The following MRFAP1L1 variants were observed in gnomAD, a reference collection of about 807,000 sequenced individuals.
MRFAP1L1 encodes Morf4 family associated protein 1 like 1, also known as MORF4 family-associated protein 1-like 1.
MRFAP1L1 carries 9 observed loss-of-function variants against 10.6 expected under a neutral mutation model. The observed-to-expected ratio is 0.85, with a 90% CI of 0.51 to 1.48. The LOEUF (loss-of-function observed/expected upper bound fraction) is 1.48. Among genes scored for constraint, MRFAP1L1 ranks in the 40% most tolerant of loss-of-function variants. The probability of loss-of-function intolerance (pLI) is 0.00; values close to 1 mark genes in which losing one functional copy is unlikely to be tolerated. For synonymous variants in MRFAP1L1, 78 were observed against 70.4 expected (o/e 1.11, Z -0.54); for missense variants, 177 against 171.4 (o/e 1.03, Z -0.18).
At chr4:6,709,069 C>G in intron 1 of MRFAP1L1, 162 bp downstream of exon 1, 2 of 743,126 alleles carry the variant, frequency 2.7e-6, no homozygotes, top group Non-Finnish European at 4.3e-6. Context: ...AACCAGCACG[C>G]ATTCTTTCCT....
Position 6,709,378 on chromosome 4 carries a change from G to C in MRFAP1L1, c.252C>G (p.His84Gln), listed in dbSNP as rs563642910. 8.0e-5 allele frequency: 129 copies of C among 1,614,254 alleles called. 2 individuals carry two copies. In the South Asian group the frequency reaches 1.4e-3, roughly 17 times the overall value. ...SEESALNHVQHPSGEADERVS... is the reference protein window; with the variant it reads ...SEESALNHVQQPSGEADERVS... ...CTCTCTCGTCGGCTTCGCCACTCGGGTGCTGCACGTGATTGAGGGCGCTCT... is the reference window on the plus strand; with the variant it reads ...CTCTCTCGTCGGCTTCGCCACTCGGCTGCTGCACGTGATTGAGGGCGCTCT... The change falls in exon 1 of 2, where the codon CAC becomes CAG. Residue 84 changes from histidine to glutamine, a missense_variant. By Grantham distance (24) the His-to-Gln change is conservative. Coordinates refer to ENST00000320848, the MANE Select transcript of MRFAP1L1 (RefSeq NM_203462.3).
In MRFAP1L1 at chr4:6,709,626, G is replaced by A. The variant is rs778160804; in HGVS notation, c.4C>T (p.Arg2Trp). Residue 2 changes from arginine to tryptophan, a missense_variant, in exon 1 of 2, where the codon CGG (arginine) becomes TGG (tryptophan). Transcript: ENST00000320848. Reference protein sequence around the residue: MRPLDIDEVEAP... With the variant: MWPLDIDEVEAP... The stretch of plus-strand genomic sequence containing the variant: ...TCCACCTCGTCTATGTCCAGGGGCC[G>A]CATCTCCTCCTGCCGCTTCCTCAGT... 2.5e-6 allele frequency: 4 copies of A among 1,610,608 alleles called. No homozygotes were observed. In the East Asian group the frequency reaches 6.7e-5, roughly 27 times the overall value.
chr4:6,707,970 T>G lies in MRFAP1L1; in HGVS notation c.*689A>C, dbSNP rs1161409470. 1.3e-5 allele frequency: 2 copies of G among 152,404 alleles called. No homozygotes were observed. Among genetic ancestry groups the G allele is most frequent in the African/African-American group, 2.4e-5 (1 of 41,394 alleles). The allele number at this position is 152,404 out of a possible 1,614,324, so 9.4% of individuals were successfully genotyped here. On this transcript the variant is annotated 3_prime_UTR_variant, in exon 2 of 2. Coordinates refer to ENST00000320848, the MANE Select transcript of MRFAP1L1 (RefSeq NM_203462.3). ...TCCATGCCATTCTCTGATGCCCCTA[T>G]AATGTGTGAGGGTATTACAATAGTC... is the stretch of plus-strand genomic sequence containing the variant.
chr4:6,709,005 T>G (rs1393080043), intron 1 of MRFAP1L1: 1 of 550,602 alleles, frequency 1.8e-6, no homozygotes, highest in African/African-American at 1.9e-5. Flanking sequence ...CTTTCTCTAA[T>G]TAACAGCGTG....
Position 6,709,787 on chromosome 4 carries a change from T to C in MRFAP1L1, c.-158A>G. ...CTTTATTTTTTTTTCTTCCTTTTAA[T>C]TGTAAGCCTTTCGCTTCACAACTCT... On this transcript the variant is annotated 5_prime_UTR_variant, in exon 1 of 2. Transcript: ENST00000320848. 2 of 1,017,590 alleles carry C rather than the reference T, an allele frequency of 2.0e-6. No individual in the cohort carries two copies. 63.0% of individuals were successfully genotyped at this position (1,017,590 alleles called of 1,614,324 possible). A position where few individuals can be genotyped will look rare whatever the true frequency, so the allele number is the denominator to read the frequency against.
intron 1 of MRFAP1L1, chr4:6,708,921 G>C (rs1458572203): frequency 2.9e-6 from 1 of 349,514 alleles, no homozygotes; most frequent in Non-Finnish European, 5.4e-6. Context: ...TGCCTAGACA[G>C]GTCTACTTCT....
Position 6,709,680 on chromosome 4 carries a change from A to G in MRFAP1L1, c.-51T>C. The G allele has an allele frequency of 6.4e-7, 1 of 1,573,692 alleles. No individual in the cohort carries two copies. The highest frequency in any genetic ancestry group is 8.7e-7 in the Non-Finnish European group (1 of 1,155,042). On this transcript the variant is annotated 5_prime_UTR_variant, in exon 1 of 2. Coordinates refer to ENST00000320848, the MANE Select transcript of MRFAP1L1 (RefSeq NM_203462.3). Reference sequence around the variant, plus strand: ...GCAGTAGGGGCGTTCTTCTCACCGGAACCCTCCAAGAACTGGAGATCAGCA... The same window carrying G: ...GCAGTAGGGGCGTTCTTCTCACCGGGACCCTCCAAGAACTGGAGATCAGCA...
In MRFAP1L1 at chr4:6,709,701, C is replaced by A; in HGVS notation, c.-72G>T. The stretch of plus-strand genomic sequence containing the variant: ...CCGGAACCCTCCAAGAACTGGAGAT[C>A]AGCAGTTACTGCTGGAGGCTGAGCG... On this transcript the variant is annotated 5_prime_UTR_variant, in exon 1 of 2. Coordinates refer to ENST00000320848, the MANE Select transcript of MRFAP1L1 (RefSeq NM_203462.3). 1.9e-6 allele frequency: 3 copies of A among 1,546,586 alleles called. No homozygotes were observed. Among genetic ancestry groups the A allele is most frequent in the Non-Finnish European group, 2.6e-6 (3 of 1,140,908 alleles).
Position 6,709,339 on chromosome 4 carries a change from G to A in MRFAP1L1, c.291C>T (p.Cys97=). The change falls in exon 1 of 2, where the codon TGC becomes TGT. Residue 97 remains cysteine, a synonymous_variant. Transcript: ENST00000320848. ...GEADERVSEL[C]EKAEEKAKEI... is the part of the protein sequence containing the mutation. ...CCTTGGCTTTCTCCTCAGCCTTCTC[G>A]CACAACTCCGACACTCTCTCGTCGG... 6.2e-7 allele frequency: 1 copy of A among 1,614,228 alleles called. No homozygotes were observed. Among genetic ancestry groups the A allele is most frequent in the Non-Finnish European group, 8.5e-7 (1 of 1,180,052 alleles).
chr4:6,708,118 G>C lies in MRFAP1L1; in HGVS notation c.*541C>G, dbSNP rs1478298628. 1 of 152,628 alleles carries C rather than the reference G, an allele frequency of 6.6e-6. No individual in the cohort carries two copies. Among genetic ancestry groups the C allele is most frequent in the African/African-American group, 2.4e-5 (1 of 41,440 alleles). 9.5% of individuals were successfully genotyped at this position (152,628 alleles called of 1,614,324 possible). On this transcript the variant is annotated 3_prime_UTR_variant, in exon 2 of 2. Transcript: ENST00000320848. ...CATAGCTCTCCTCTTTCGTCTCACAGAGGAACTAAAGTTCCAAAATATATA... is the reference window on the plus strand; with the variant it reads ...CATAGCTCTCCTCTTTCGTCTCACACAGGAACTAAAGTTCCAAAATATATA...
rs1466357341 is a variant in MRFAP1L1 at position 6,708,633 on chromosome 4, C to T, written c.*26G>A. ...ATCCTTACCAGTTGACTACAGTCCT[C>T]AGCTGTGAACCTAAAGCACAATTGG... On this transcript the variant is annotated 3_prime_UTR_variant, in exon 2 of 2. Coordinates refer to ENST00000320848, the MANE Select transcript of MRFAP1L1 (RefSeq NM_203462.3). 1 of 153,464 alleles carries T rather than the reference C, an allele frequency of 6.5e-6. No individual in the cohort carries two copies. The highest frequency in any genetic ancestry group is 1.5e-5 in the Non-Finnish European group (1 of 68,842). 9.5% of individuals were successfully genotyped at this position (153,464 alleles called of 1,614,324 possible).
chr4:6,709,859 T>C lies in MRFAP1L1; in HGVS notation c.-230A>G, dbSNP rs1290746825. 53 of 591,038 alleles carry C rather than the reference T, an allele frequency of 9.0e-5. No homozygotes were observed. Among genetic ancestry groups the C allele is most frequent in the Non-Finnish European group, 1.5e-4 (52 of 342,448 alleles). The allele number at this position is 591,038 out of a possible 1,614,324, so 36.6% of individuals were successfully genotyped here. On this transcript the variant is annotated 5_prime_UTR_variant, in exon 1 of 2. Transcript: ENST00000320848. ...GCACACAAATAAGCGGCCTACAAAA[T>C]GGAGTCGCAGCCGTCAACTCGCCCT...
intron 1 of MRFAP1L1, 154 bp from the exon 2 acceptor site, chr4:6,708,797 T>C (rs1714680024): frequency 6.1e-6 from 1 of 163,888 alleles, no homozygotes; most frequent in African/African-American, 2.4e-5. Flanking sequence ...ATCTGGAAAT[T>C]TCAGGTAATG....
In MRFAP1L1 at chr4:6,708,122, A is replaced by T. The variant is rs1714651750; in HGVS notation, c.*537T>A. The T allele has an allele frequency of 6.6e-6, 1 of 152,666 alleles. No individual in the cohort carries two copies. The highest frequency in any genetic ancestry group is 6.5e-5 in the Admixed American group (1 of 15,280). The allele number at this position is 152,666 out of a possible 1,614,324, so 9.5% of individuals were successfully genotyped here. ...GCTCTCCTCTTTCGTCTCACAGAGG[A>T]ACTAAAGTTCCAAAATATATACAAA... On this transcript the variant is annotated 3_prime_UTR_variant, in exon 2 of 2. Coordinates refer to ENST00000320848, the MANE Select transcript of MRFAP1L1 (RefSeq NM_203462.3).
Position 6,707,976 on chromosome 4 carries a change from G to A in MRFAP1L1, c.*683C>T, listed in dbSNP as rs1714645832. 1 of 152,290 alleles carries A rather than the reference G, an allele frequency of 6.6e-6. No individual in the cohort carries two copies. The highest frequency in any genetic ancestry group is 2.4e-5 in the African/African-American group (1 of 41,326). 9.4% of individuals were successfully genotyped at this position (152,290 alleles called of 1,614,324 possible). ...CCATTCTCTGATGCCCCTATAATGTGTGAGGGTATTACAATAGTCCCTATT... is the reference window on the plus strand; with the variant it reads ...CCATTCTCTGATGCCCCTATAATGTATGAGGGTATTACAATAGTCCCTATT... On this transcript the variant is annotated 3_prime_UTR_variant, in exon 2 of 2. Transcript: ENST00000320848.
In MRFAP1L1 at chr4:6,709,835, C is replaced by T; in HGVS notation, c.-206G>A. 1 of 710,642 alleles carries T rather than the reference C, an allele frequency of 1.4e-6. No homozygotes were observed. Among genetic ancestry groups the T allele is most frequent in the Non-Finnish European group, 2.3e-6 (1 of 435,700 alleles). The allele number at this position is 710,642 out of a possible 1,614,324, so 44.0% of individuals were successfully genotyped here. Reference sequence around the variant, plus strand: ...TCTGCGGGAAGAATCGCCGTGGATGCACACAAATAAGCGGCCTACAAAATG... The same window carrying T: ...TCTGCGGGAAGAATCGCCGTGGATGTACACAAATAAGCGGCCTACAAAATG... On this transcript the variant is annotated 5_prime_UTR_variant, in exon 1 of 2. Coordinates refer to ENST00000320848, the MANE Select transcript of MRFAP1L1 (RefSeq NM_203462.3).
In MRFAP1L1 at chr4:6,709,599, C is replaced by T; in HGVS notation, c.31G>A (p.Ala11Thr). 1 of 1,613,808 alleles carries T rather than the reference C, an allele frequency of 6.2e-7. No individual in the cohort carries two copies. The highest frequency in any genetic ancestry group is 8.5e-7 in the Non-Finnish European group (1 of 1,179,678). ...TCCAGCACCTCCACTTCCTCAGGCG[C>T]TTCCACCTCGTCTATGTCCAGGGGC... is the stretch of plus-strand genomic sequence containing the variant. MRPLDIDEVE[A>T]PEEVEVLEPE... The change falls in exon 1 of 2, where the codon GCG (alanine) becomes ACG (threonine). Residue 11 changes from alanine (A) to threonine (T), a missense_variant. Physicochemically the swap from Ala to Thr is moderately conservative, Grantham distance 58 (BLOSUM62 0). Coordinates refer to ENST00000320848, the MANE Select transcript of MRFAP1L1 (RefSeq NM_203462.3).
In MRFAP1L1 at chr4:6,709,469, C is replaced by T. The variant is rs1230486036; in HGVS notation, c.161G>A (p.Arg54Lys). The T allele has an allele frequency of 6.2e-7, 1 of 1,614,274 alleles. No individual in the cohort carries two copies. Among genetic ancestry groups the T allele is most frequent in the Non-Finnish European group, 8.5e-7 (1 of 1,180,046 alleles). The change falls in exon 1 of 2, where the codon AGG (arginine) becomes AAG (lysine). Residue 54 changes from arginine to lysine, a missense_variant. Arg to Lys is a conservative substitution (Grantham distance 26). Coordinates refer to ENST00000320848, the MANE Select transcript of MRFAP1L1 (RefSeq NM_203462.3). ...ATTGTCCATCTCCCACAGCTTGCTC[C>T]TGGTCCGCAGGTACGCCCGCCCGTG... ...REHGRAYLRT[R>K]SKLWEMDNML...
At position 6,709,812 on chromosome 4, in the gene MRFAP1L1, T is replaced by C. The variant is rs1048421030; in HGVS notation, c.-183A>G. On this transcript the variant is annotated 5_prime_UTR_variant, in exon 1 of 2. Transcript: ENST00000320848. ...TTGTAAGCCTTTCGCTTCACAACTC[T>C]GCGGGAAGAATCGCCGTGGATGCAC... 2 of 853,954 alleles carry C rather than the reference T, an allele frequency of 2.3e-6. No individual in the cohort carries two copies. Among genetic ancestry groups the C allele is most frequent in the Admixed American group, 6.0e-5 (2 of 33,400 alleles). The allele number at this position is 853,954 out of a possible 1,614,324, so 52.9% of individuals were successfully genotyped here. A position where few individuals can be genotyped will look rare whatever the true frequency, so the allele number is the denominator to read the frequency against.
Sources: allele counts gnomAD v4.1 joint callset, GRCh38; gene constraint gnomAD v4.1.1; transcripts MANE v1.5; gene names NCBI Gene and HGNC (gene_info 2026-07-23, HGNC 2026-07-21).